Variants in LHFPL3 observed in about 807,000 individuals in gnomAD.
The protein encoded by LHFPL3 is LHFPL tetraspan subfamily member 3, also known as LHFPL tetraspan subfamily member 3 protein.
LHFPL3 carries 5 observed loss-of-function variants against 19.3 expected under a neutral mutation model. The ratio of observed to expected loss-of-function variants is 0.26; its 90% confidence interval spans 0.14 to 0.54. The LOEUF (loss-of-function observed/expected upper bound fraction) is 0.54. LHFPL3 is among the 20% of genes least tolerant of loss of function. The probability of loss-of-function intolerance (pLI) is 0.94; values close to 1 mark genes in which losing one functional copy is unlikely to be tolerated. For synonymous variants in LHFPL3, 133 were observed against 126.2 expected (o/e 1.05, Z -0.36); for missense variants, 249 against 307.4 (o/e 0.81, Z 1.42).
intron 1 of LHFPL3, among the ~76,000 whole-genome samples, chr7:104,494,942 C>T (rs148015150): frequency 1.8e-3 from 274 of 152,254 alleles, no homozygotes; most frequent in African/African-American, 6.2e-3. Context: ...TCTTCTGATC[C>T]GACCATCCAT....
intron 1 of LHFPL3, among the ~76,000 whole-genome samples, chr7:104,701,627 G>A (rs1481308113): frequency 1.3e-5 from 2 of 152,170 alleles, no homozygotes; most frequent in Non-Finnish European, 2.9e-5. Context: ...CTTGGGAGTT[G>A]CAGAGGCGTA....
At chr7:104,819,239 G>A (rs1033856212) in intron 2 of LHFPL3, among the ~76,000 whole-genome samples, 5 of 152,078 alleles carry the variant, frequency 3.3e-5, no homozygotes, top group African/African-American at 9.7e-5. Flanking sequence ...TAAAACAGAT[G>A]TTCCCTATTT....
chr7:104,601,564 A>C (rs1790968383), intron 1 of LHFPL3, among the ~76,000 whole-genome samples: 1 of 152,162 alleles, frequency 6.6e-6, no homozygotes, highest in South Asian at 2.1e-4. Context: ...TGGTCAGGGA[A>C]GCCTTCTCTG....
At chr7:104,512,129 A>G (rs1343056437) in intron 1 of LHFPL3, among the ~76,000 whole-genome samples, 1 of 151,100 alleles carries the variant, frequency 6.6e-6, no homozygotes, top group East Asian at 2.0e-4. Flanking sequence ...TAATTTTTGT[A>G]TTTTTACTAG....
At chr7:104,345,290 CT>C (rs1790042576) in intron 1 of LHFPL3, among the ~76,000 whole-genome samples, 1 of 152,036 alleles carries the variant, frequency 6.6e-6, no homozygotes, top group Non-Finnish European at 1.5e-5. Context: ...TTGTTATTGC[CT>C]TTTTAAAAGA....
chr7:104,774,689 C>T (rs1371894373), intron 2 of LHFPL3, among the ~76,000 whole-genome samples: 3 of 152,166 alleles, frequency 2.0e-5, no homozygotes, highest in Admixed American at 1.3e-4. Flanking sequence ...ACTTTGATGA[C>T]TTATATGCTG....
chr7:104,737,396 G>A (rs140111169), intron 2 of LHFPL3, among the ~76,000 whole-genome samples: 55 of 152,248 alleles, frequency 3.6e-4, no homozygotes, highest in African/African-American at 1.1e-3. Flanking sequence ...GAGAGAGGTA[G>A]TAACACTGGC....
intron 1 of LHFPL3, among the ~76,000 whole-genome samples, chr7:104,453,887 T>C (rs1450561274): frequency 6.6e-6 from 1 of 152,188 alleles, no homozygotes; most frequent in Admixed American, 6.5e-5. Context: ...TCCACCATAA[T>C]TGTAAGCTTC....
At chr7:104,582,958 G>A (rs1243725238) in intron 1 of LHFPL3, among the ~76,000 whole-genome samples, 1 of 151,812 alleles carries the variant, frequency 6.6e-6, no homozygotes, top group Non-Finnish European at 1.5e-5. Context: ...AATAGATGAG[G>A]TTTTAAAATG....
At chr7:104,667,987 C>T in intron 1 of LHFPL3, 1 of 1,613,538 alleles carries the variant, frequency 6.2e-7, no homozygotes, top group Non-Finnish European at 8.5e-7. Flanking sequence ...CCACGGGCTG[C>T]TCGGGAACCC....
chr7:104,813,763 G>A (rs1790517212), intron 2 of LHFPL3, among the ~76,000 whole-genome samples: 1 of 152,226 alleles, frequency 6.6e-6, no homozygotes, highest in Non-Finnish European at 1.5e-5. Context: ...CCCACAAGCA[G>A]CTTCCACAGC....
chr7:104,646,764 T>C (rs1791943122), intron 1 of LHFPL3, among the ~76,000 whole-genome samples: 1 of 152,258 alleles, frequency 6.6e-6, no homozygotes, highest in Admixed American at 6.5e-5. Flanking sequence ...ATACTTAGAA[T>C]ACAGAAATGA....
intron 1 of LHFPL3, among the ~76,000 whole-genome samples, chr7:104,518,347 T>C (rs1793962556): frequency 6.6e-6 from 1 of 152,240 alleles, no homozygotes; most frequent in Admixed American, 6.5e-5. Flanking sequence ...GATAGAATAA[T>C]CAATTAAAAG....
chr7:104,833,416 A>AATATATATAT lies in LHFPL3; in HGVS notation c.683-72762_683-72753dup, dbSNP rs551732361. ...ATATATATATTATATATATATATAT[A>AATATATATAT]ATATATATATATATATATGCTCCTC... On this transcript the variant is annotated intron_variant, in intron 2 of 2. Coordinates refer to ENST00000424859, the MANE Select transcript of LHFPL3 (RefSeq NM_199000.3). Among the ~76,000 whole-genome samples, 9 of 6,644 alleles carry AATATATATAT rather than the reference A, an allele frequency of 1.4e-3. 2 individuals are homozygous for AATATATATAT. Among genetic ancestry groups the AATATATATAT allele is most frequent in the South Asian group, 0.026 (2 of 76 alleles). The allele number at this position is 6,644 out of a possible 152,430, so 4.4% of individuals were successfully genotyped here.
intron 1 of LHFPL3, among the ~76,000 whole-genome samples, chr7:104,413,817 G>T (rs931900253): frequency 6.6e-6 from 1 of 152,014 alleles, no homozygotes; most frequent in Non-Finnish European, 1.5e-5. Context: ...AAAAATAACC[G>T]TACTCTATTC....
At chr7:104,678,099 C>T (rs1024205539) in intron 1 of LHFPL3, among the ~76,000 whole-genome samples, 13 of 152,114 alleles carry the variant, frequency 8.5e-5, no homozygotes, top group Admixed American at 3.3e-4. Flanking sequence ...CAAACTTCAG[C>T]GCGAGAATTC....
rs572913155 is a variant in LHFPL3 at position 104,549,211 on chromosome 7, C to G, written c.446-187464C>G. Among the ~76,000 whole-genome samples, 101 of 152,118 alleles carry G rather than the reference C, an allele frequency of 6.6e-4. 1 individual carries two copies. Among genetic ancestry groups the G allele is most frequent in the African/African-American group, 2.3e-3 (96 of 41,484 alleles). On this transcript the variant is annotated intron_variant, in intron 1 of 2. Transcript: ENST00000424859. ...GTAACCAGGAGGGCTGCTGAAGATT[C>G]CAGACCAGGATAGAGGCTAAGAGAC...
intron 1 of LHFPL3, among the ~76,000 whole-genome samples, chr7:104,685,242 G>A (rs1284303893): frequency 6.6e-6 from 1 of 152,186 alleles, no homozygotes; most frequent in Non-Finnish European, 1.5e-5. Flanking sequence ...AGCTACTCAG[G>A]AGGCTGAAGC....
At chr7:104,329,283 G>T in intron 1 of LHFPL3, 59 bp downstream of exon 1, 1 of 1,533,372 alleles carries the variant, frequency 6.5e-7, no homozygotes, top group Non-Finnish European at 8.8e-7. Flanking sequence ...AGCCGGGGAG[G>T]GGCCAGAGTG....
Sources: gnomAD v4.1 joint callset for allele counts (sites outside exome capture counted in the v4.1 genomes callset) on GRCh38, gnomAD v4.1.1 for gene constraint, MANE v1.5 for transcripts, NCBI Gene and HGNC (gene_info 2026-07-23, HGNC 2026-07-21) for gene names.